Variants in EMID1 observed in about 807,000 individuals in gnomAD.
EMID1 encodes EMI domain containing 1, also known as EMI domain-containing protein 1.
In EMID1, 40 loss-of-function variants were observed where a neutral mutation model predicts 60.6. The observed-to-expected ratio is 0.66, with a 90% CI of 0.51 to 0.86. EMID1 has a LOEUF of 0.86. Ranked by LOEUF, EMID1 falls within the 40% of genes least tolerant of loss-of-function variation. The pLI, the probability that EMID1 is intolerant of heterozygous loss-of-function variation, is 0.00. For synonymous variants in EMID1, 242 were observed against 231.0 expected, an observed-to-expected ratio of 1.05 and a Z score of -0.43; for missense variants, 585 against 597.1, an observed-to-expected ratio of 0.98 and a Z score of 0.21.
intron 1 of EMID1, among the ~76,000 whole-genome samples, chr22:29,207,351 T>C (rs1266016362): frequency 1.3e-5 from 2 of 152,114 alleles, no homozygotes; most frequent in Admixed American, 6.6e-5. Flanking sequence ...AGCTCCAGAA[T>C]CCTCCCAGCT....
At chr22:29,249,027 T>C (rs1240287700) in intron 13 of EMID1, among the ~76,000 whole-genome samples, 2 of 152,160 alleles carry the variant, frequency 1.3e-5, no homozygotes. Flanking sequence ...ATAGATCTTT[T>C]TTTCAAATTC....
At chr22:29,250,635 C>T (rs1001214355) in intron 13 of EMID1, among the ~76,000 whole-genome samples, 2 of 143,272 alleles carry the variant, frequency 1.4e-5, no homozygotes, top group African/African-American at 2.6e-5. Context: ...GGCATGAACT[C>T]GGCTCACTGC....
At chr22:29,244,697 G>T (rs2041270853) in intron 13 of EMID1, among the ~76,000 whole-genome samples, 1 of 151,066 alleles carries the variant, frequency 6.6e-6, no homozygotes, top group Admixed American at 6.6e-5. Context: ...GAAAATCATT[G>T]CAGGGGAGGG....
At chr22:29,254,610 G>A in intron 14 of EMID1, 1 of 300,212 alleles carries the variant, frequency 3.3e-6, no homozygotes, top group Admixed American at 4.5e-5. Flanking sequence ...TATGGGCAAT[G>A]GAACCAAACT....
chr22:29,231,576 T>C lies in EMID1; in HGVS notation c.587-17T>C. The C allele has an allele frequency of 6.5e-7, 1 of 1,548,686 alleles. No individual in the cohort carries two copies. The highest frequency in any genetic ancestry group is 8.7e-7 in the Non-Finnish European group (1 of 1,145,392). ...AGCAGATGTGGAGCTGCCAGTCTGA[T>C]ATGCTTTACCCCCCAGACCAAGTCG... is the stretch of plus-strand genomic sequence containing the variant. On this transcript the variant is annotated splice_polypyrimidine_tract_variant and intron_variant, in intron 6 of 14. Transcript: ENST00000334018.
At position 29,234,063 on chromosome 22, in the gene EMID1, A is replaced by T. The variant is rs376346501; in HGVS notation, c.967-74A>T. 16 of 1,528,796 alleles carry T rather than the reference A, an allele frequency of 1.0e-5. No individual in the cohort carries two copies. In the African/African-American group the frequency reaches 1.9e-4, roughly 18 times the overall value. 94.7% of individuals were successfully genotyped at this position (1,528,796 alleles called of 1,614,324 possible). A position where few individuals can be genotyped will look rare whatever the true frequency, so the allele number is the denominator to read the frequency against. On this transcript the variant is annotated intron_variant, in intron 10 of 14. Transcript: ENST00000334018. ...AGACCAAGCTTGAGCGCCCTCCCCA[A>T]CACCTCTGTTCCCAAGCCCCTGCCC...
chr22:29,245,567 CT>C (rs1163586553), intron 13 of EMID1, among the ~76,000 whole-genome samples: 1 of 152,110 alleles, frequency 6.6e-6, no homozygotes, highest in African/African-American at 2.4e-5. Flanking sequence ...CTGCATGAAG[CT>C]TTGGGGGCTG....
At chr22:29,215,804 C>G (rs1449678224) in intron 3 of EMID1, among the ~76,000 whole-genome samples, 174 bp downstream of exon 3, 1 of 152,158 alleles carries the variant, frequency 6.6e-6, no homozygotes, top group East Asian at 1.9e-4. Context: ...CCCTGCCCCC[C>G]ACGGTGACCG....
In EMID1 at chr22:29,258,989, C is replaced by T; in HGVS notation, c.*45C>T. Reference sequence around the variant, plus strand: ...GGCAGACCAGGCCAGGCTTCCCCTCCTACCTGGACTCGGCCAGCTGCCTCC... The same window carrying T: ...GGCAGACCAGGCCAGGCTTCCCCTCTTACCTGGACTCGGCCAGCTGCCTCC... On this transcript the variant is annotated 3_prime_UTR_variant, in exon 15 of 15. Coordinates refer to ENST00000334018, the MANE Select transcript of EMID1 (RefSeq NM_133455.4). 1 of 1,587,834 alleles carries T rather than the reference C, an allele frequency of 6.3e-7. No homozygotes were observed.
At chr22:29,226,622 C>T (rs1006789221) in intron 5 of EMID1, 71 bp downstream of exon 5, 118 of 1,481,262 alleles carry the variant, frequency 8.0e-5, no homozygotes, top group Admixed American at 7.4e-4. Context: ...CCATCCCACC[C>T]TCCCCACCTC....
intron 13 of EMID1, among the ~76,000 whole-genome samples, chr22:29,249,137 C>T (rs2041431558): frequency 2.0e-5 from 3 of 152,142 alleles, no homozygotes; most frequent in South Asian, 2.1e-4. Context: ...ACAATACCGT[C>T]GTCATACTTA....
In EMID1 at chr22:29,234,204, G is replaced by T. The variant is rs761577985; in HGVS notation, c.1029+5G>T. On this transcript the variant is annotated splice_donor_5th_base_variant and intron_variant, in intron 11 of 14. Transcript: ENST00000334018. The stretch of plus-strand genomic sequence containing the variant: ...CCAGGAGAGAAGGGCGAGAGAGTGA[G>T]TACCCAGGTGGCCCCAGGTGGGGGA... The T allele has an allele frequency of 3.1e-6, 5 of 1,606,650 alleles. No individual in the cohort carries two copies. Among genetic ancestry groups the T allele is most frequent in the Non-Finnish European group, 4.3e-6 (5 of 1,176,418 alleles).
chr22:29,218,473 C>T (rs1568973152), intron 3 of EMID1, among the ~76,000 whole-genome samples: 1 of 152,148 alleles, frequency 6.6e-6, no homozygotes, highest in Non-Finnish European at 1.5e-5. Context: ...TGGGACTGGC[C>T]TGAGGTCACT....
intron 12 of EMID1, among the ~76,000 whole-genome samples, chr22:29,242,550 TTTTCCTGTGTC>T (rs1307340069): frequency 6.6e-6 from 1 of 152,210 alleles, no homozygotes; most frequent in Non-Finnish European, 1.5e-5. Context: ...ATAGGTCACA[TTTTCCTGTGTC>T]TTCACATCTA....
intron 13 of EMID1, among the ~76,000 whole-genome samples, chr22:29,248,262 T>C (rs1176171884): frequency 3.5e-5 from 1 of 28,688 alleles, no homozygotes; most frequent in Non-Finnish European, 9.3e-5. Flanking sequence ...CCTGGCCCTT[T>C]TTTTTTTTTT....
chr22:29,221,100 T>TAGG (rs2040277434), intron 3 of EMID1, among the ~76,000 whole-genome samples: 2 of 149,146 alleles, frequency 1.3e-5, no homozygotes, highest in African/African-American at 2.5e-5. Flanking sequence ...TGTGTGTGTG[T>TAGG]GTGTGTGTGT....
At chr22:29,215,934 A>G (rs2040065670) in intron 3 of EMID1, among the ~76,000 whole-genome samples, 1 of 152,210 alleles carries the variant, frequency 6.6e-6, no homozygotes, top group African/African-American at 2.4e-5. Context: ...CCATCCAGAC[A>G]TTTCTGTATG....
At chr22:29,236,676 G>A (rs1208792461) in intron 12 of EMID1, among the ~76,000 whole-genome samples, 1 of 152,028 alleles carries the variant, frequency 6.6e-6, no homozygotes, top group African/African-American at 2.4e-5. Context: ...GGGCGACAGA[G>A]TGAGACTCCA....
chr22:29,221,066 C>CGTGTGTGTGTGTGTGTGT (rs59651061), intron 3 of EMID1, among the ~76,000 whole-genome samples: 1 of 99,956 alleles, frequency 1.0e-5, no homozygotes, highest in African/African-American at 3.8e-5. Flanking sequence ...GGGGTGGGAA[C>CGTGTGTGTGTGTGTGTGT]GTGTGTGTGT....
Sources: gnomAD v4.1 joint callset for allele counts (sites outside exome capture counted in the v4.1 genomes callset) on GRCh38, gnomAD v4.1.1 for gene constraint, MANE v1.5 for transcripts, NCBI Gene and HGNC (gene_info 2026-07-23, HGNC 2026-07-21) for gene names.